Variants in SH3GL3 observed in about 807,000 individuals in gnomAD.
The protein encoded by SH3GL3 is endophilin-A3.
In SH3GL3, 33 loss-of-function variants were observed where a neutral mutation model predicts 47.7. That is an observed-to-expected ratio of 0.69 (90% CI 0.52 to 0.92). The LOEUF (loss-of-function observed/expected upper bound fraction) is 0.92. SH3GL3 is among the 40% of genes least tolerant of loss of function. The pLI is 0.00. For synonymous variants in SH3GL3, 155 were observed against 148.8 expected, an observed-to-expected ratio of 1.04 and a Z score of -0.30; for missense variants, 363 against 417.8, an observed-to-expected ratio of 0.87 and a Z score of 1.14.
chr15:83,468,803 T>G (rs2040698991), intron 1 of SH3GL3, among the ~76,000 whole-genome samples: 2 of 150,956 alleles, frequency 1.3e-5, no homozygotes, highest in South Asian at 2.1e-4. Context: ...TAGTAGTGTT[T>G]TTTTTTTTTT....
At chr15:83,630,454 T>C in the SH3GL3 span, among the ~76,000 whole-genome samples, 2 of 152,180 alleles carry the variant, frequency 1.3e-5, no homozygotes, top group Non-Finnish European at 2.9e-5. Flanking sequence ...GTTCTCATGC[T>C]GCTGTAAATT....
intron 1 of SH3GL3, among the ~76,000 whole-genome samples, chr15:83,549,199 C>T (rs1262078512): frequency 2.0e-5 from 3 of 152,178 alleles, no homozygotes; most frequent in Non-Finnish European, 4.4e-5. Flanking sequence ...CATTAAAAAT[C>T]ATTTCTGATG....
chr15:83,525,653 G>T (rs1344188863), intron 1 of SH3GL3, among the ~76,000 whole-genome samples: 5 of 151,986 alleles, frequency 3.3e-5, no homozygotes, highest in Non-Finnish European at 7.4e-5. Context: ...CATAGTTTGG[G>T]GTCTTATGTT....
At position 83,567,965 on chromosome 15, in the gene SH3GL3, TTTTCTTTC is replaced by T. The variant is rs1241934547; in HGVS notation, c.188-548_188-541del. On this transcript the variant is annotated intron_variant, in intron 3 of 8. Coordinates refer to ENST00000427482, the MANE Select transcript of SH3GL3 (RefSeq NM_003027.5). Reference sequence around the variant, plus strand: ...AATGTGCCCCATCATTTCTTTTTTTTTTTCTTTCTTTCTTTCTTTCTTTTTTTTTTTTT... The same window carrying T: ...AATGTGCCCCATCATTTCTTTTTTTTTTTCTTTCTTTCTTTTTTTTTTTTT... Among the ~76,000 whole-genome samples, 19 of 149,038 alleles carry T rather than the reference TTTTCTTTC, an allele frequency of 1.3e-4. No individual in the cohort carries two copies. The East Asian group carries it at 2.6e-3, about 20-fold the overall frequency.
At chr15:83,541,389 A>G (rs1382267005) in intron 1 of SH3GL3, among the ~76,000 whole-genome samples, 1 of 116,916 alleles carries the variant, frequency 8.6e-6, no homozygotes, top group Non-Finnish European at 1.6e-5. Context: ...GCTGGAGTGC[A>G]GTGGCGCGAT....
At chr15:83,575,436 C>G (rs1054963179) in intron 5 of SH3GL3, among the ~76,000 whole-genome samples, 1 of 152,214 alleles carries the variant, frequency 6.6e-6, no homozygotes, top group Admixed American at 6.5e-5. Flanking sequence ...TGTTACTCAG[C>G]TGCTGTTTGA....
chr15:83,475,462 G>A (rs980984964), intron 1 of SH3GL3, among the ~76,000 whole-genome samples: 8 of 152,070 alleles, frequency 5.3e-5, no homozygotes, highest in African/African-American at 1.7e-4. Flanking sequence ...CTGGGTGACC[G>A]AGTGAGCTTC....
chr15:83,522,342 C>A (rs901688482), intron 1 of SH3GL3, among the ~76,000 whole-genome samples: 6 of 152,158 alleles, frequency 3.9e-5, no homozygotes, highest in Non-Finnish European at 8.8e-5. Flanking sequence ...ATTATTTGCA[C>A]TGTAGTGGAA....
intron 1 of SH3GL3, among the ~76,000 whole-genome samples, chr15:83,551,149 G>C (rs189145270): frequency 6.6e-6 from 1 of 152,298 alleles, no homozygotes; most frequent in African/African-American, 2.4e-5. Context: ...ATTTGTCACT[G>C]CTCGGTTGTA....
At chr15:83,532,413 G>A (rs2043717878) in intron 1 of SH3GL3, among the ~76,000 whole-genome samples, 1 of 152,140 alleles carries the variant, frequency 6.6e-6, no homozygotes, top group Admixed American at 6.5e-5. Context: ...AATTATAAAG[G>A]TAATTGAGAA....
At chr15:83,608,251 T>A (rs1329855430) in intron 8 of SH3GL3, among the ~76,000 whole-genome samples, 8 of 152,210 alleles carry the variant, frequency 5.3e-5, no homozygotes. Context: ...GTTCATTGAC[T>A]TTTACTAGAT....
At chr15:83,465,787 T>G (rs1389488940) in intron 1 of SH3GL3, among the ~76,000 whole-genome samples, 1 of 152,242 alleles carries the variant, frequency 6.6e-6, no homozygotes, top group Non-Finnish European at 1.5e-5. Context: ...AATATAATTG[T>G]GTTCCTTTAT....
chr15:83,486,281 G>A (rs1396548535), intron 1 of SH3GL3, among the ~76,000 whole-genome samples: 1 of 152,040 alleles, frequency 6.6e-6, no homozygotes, highest in Non-Finnish European at 1.5e-5. Flanking sequence ...ATTTTAAGAT[G>A]AATAATTCAG....
chr15:83,559,027 T>C (rs1029565225), intron 1 of SH3GL3, among the ~76,000 whole-genome samples: 1 of 152,262 alleles, frequency 6.6e-6, no homozygotes, highest in Admixed American at 6.5e-5. Context: ...CCATGTGTTT[T>C]ACACATAGTA....
chr15:83,478,476 G>A (rs981671346), intron 1 of SH3GL3, among the ~76,000 whole-genome samples: 1 of 152,164 alleles, frequency 6.6e-6, no homozygotes, highest in Admixed American at 6.5e-5. Context: ...TACCTCAAAG[G>A]GCTGATGGGT....
At position 83,493,889 on chromosome 15, in the gene SH3GL3, A is replaced by G. The variant is rs575042045; in HGVS notation, c.45+46311A>G. On this transcript the variant is annotated intron_variant, in intron 1 of 8. Transcript: ENST00000427482. ...GTTGTTGTGACTTTGGCCTTGGCCA[A>G]ACACCCCAGGGGTGTTATAATTGGG... Among the ~76,000 whole-genome samples, 4 of 152,288 alleles carry G rather than the reference A, an allele frequency of 2.6e-5. No individual in the cohort carries two copies. In the East Asian group the frequency reaches 7.7e-4, roughly 29 times the overall value.
At chr15:83,544,541 A>G (rs2044313608) in intron 1 of SH3GL3, among the ~76,000 whole-genome samples, 1 of 152,154 alleles carries the variant, frequency 6.6e-6, no homozygotes, top group Admixed American at 6.5e-5. Context: ...CACCACAATT[A>G]CAGTGTTATT....
chr15:83,521,722 G>A (rs1354868256), intron 1 of SH3GL3, among the ~76,000 whole-genome samples: 1 of 152,180 alleles, frequency 6.6e-6, no homozygotes, highest in Admixed American at 6.5e-5. Flanking sequence ...AAACCGTTCA[G>A]ATTAGCTCCT....
chr15:83,459,119 C>G (rs1020648792), intron 1 of SH3GL3, among the ~76,000 whole-genome samples: 3 of 152,186 alleles, frequency 2.0e-5, no homozygotes, highest in Admixed American at 6.5e-5. Context: ...TGTTCGAGGG[C>G]AGGAAGCATC....
Sources: gnomAD v4.1 joint callset for allele counts (sites outside exome capture counted in the v4.1 genomes callset) on GRCh38, gnomAD v4.1.1 for gene constraint, MANE v1.5 for transcripts, NCBI Gene and HGNC (gene_info 2026-07-23, HGNC 2026-07-21) for gene names.